The following KIRREL3 variants were observed in gnomAD, a reference collection of about 807,000 sequenced individuals.
KIRREL3 encodes kin of IRRE-like protein 3.
KIRREL3 carries 36 observed loss-of-function variants against 89.7 expected under a neutral mutation model. That is an observed-to-expected ratio of 0.40 (90% CI 0.31 to 0.53). The LOEUF (loss-of-function observed/expected upper bound fraction) is 0.53. Among genes scored for constraint, KIRREL3 ranks in the 20% least tolerant of loss-of-function variants. The pLI is 0.49. For synonymous variants in KIRREL3, 445 were observed against 441.4 expected, an observed-to-expected ratio of 1.01 and a Z score of -0.10; for missense variants, 864 against 1,056.6, an observed-to-expected ratio of 0.82 and a Z score of 2.53.
At chr11:126,680,850 C>T (rs1367192444) in intron 1 of KIRREL3, among the ~76,000 whole-genome samples, 2 of 152,076 alleles carry the variant, frequency 1.3e-5, no homozygotes, top group South Asian at 2.1e-4. Context: ...TCATCAATGT[C>T]AATTTCATTA....
chr11:126,789,841 C>A (rs966884625), intron 1 of KIRREL3, among the ~76,000 whole-genome samples: 16 of 152,214 alleles, frequency 1.1e-4, no homozygotes, highest in African/African-American at 3.6e-4. Flanking sequence ...GGAATCCCGT[C>A]CTTGAACTTT....
At chr11:126,619,977 A>T (rs890253677) in intron 1 of KIRREL3, among the ~76,000 whole-genome samples, 1 of 148,986 alleles carries the variant, frequency 6.7e-6, no homozygotes, top group Non-Finnish European at 1.5e-5. Context: ...ACAAAATCAA[A>T]CTCCTTAAAA....
intron 1 of KIRREL3, among the ~76,000 whole-genome samples, chr11:126,619,167 A>G (rs907640049): frequency 9.2e-5 from 14 of 152,264 alleles, no homozygotes; most frequent in Non-Finnish European, 1.8e-4. Context: ...CTAAAGAGAT[A>G]GCAACTGAGT....
chr11:126,424,940 G>A lies in KIRREL3; in HGVS notation c.1977C>T (p.Pro659=), dbSNP rs767929793. 16 of 1,598,902 alleles carry A rather than the reference G, an allele frequency of 1.0e-5. No individual in the cohort carries two copies. In the African/African-American group the frequency reaches 1.1e-4, roughly 11 times the overall value. Residue 659 remains proline (P), a synonymous_variant, in exon 17 of 17, where the codon CCC becomes CCT. Transcript: ENST00000525144. ...TPTISLSSCQ[P]DLRPAGKQRV... is the part of the protein sequence containing the mutation. ...GCTGCTTGCCCGCAGGACGCAGGTCGGGCTGGCAGCTGGAGAGGGAGATGG... is the reference window on the plus strand; with the variant it reads ...GCTGCTTGCCCGCAGGACGCAGGTCAGGCTGGCAGCTGGAGAGGGAGATGG...
intron 2 of KIRREL3, among the ~76,000 whole-genome samples, chr11:126,547,713 G>A (rs1289957077): frequency 6.6e-6 from 1 of 152,192 alleles, no homozygotes; most frequent in Non-Finnish European, 1.5e-5. Flanking sequence ...GGGGTCTGTG[G>A]TCAGTGAATG....
rs1955175871 is a variant in KIRREL3 at position 126,432,555 on chromosome 11, C to T, written c.1589-1029G>A. ...CCCAGCCAGGGTCAATCCAGGTCTC[C>T]TCTCACTGCTCCCACCCCTCCACTC... On this transcript the variant is annotated intron_variant, in intron 13 of 16. Transcript: ENST00000525144. This position sits in a 1 kb window ranked among gnomAD's most constrained non-coding sequence, Gnocchi z 6.2. Among the ~76,000 whole-genome samples, 3 of 152,098 alleles carry T rather than the reference C, an allele frequency of 2.0e-5. No individual in the cohort carries two copies.
chr11:126,488,955 C>G (rs1285012020), intron 4 of KIRREL3, among the ~76,000 whole-genome samples: 1 of 152,256 alleles, frequency 6.6e-6, no homozygotes, highest in East Asian at 1.9e-4. Context: ...GCCTCGGACC[C>G]TGGATCTGTG....
chr11:126,995,024 A>G lies in KIRREL3; in HGVS notation c.55+5431T>C. The stretch of plus-strand genomic sequence containing the variant: ...ACAGTACTGTGTCTCGGTGCAGTCG[A>G]TTCTCACATCATTCCTCTAACTGGA... On this transcript the variant is annotated intron_variant, in intron 1 of 16. Transcript: ENST00000525144. The surrounding 1 kb of genome is among the most constrained non-coding windows in gnomAD (Gnocchi z 6.5). 1 of 366,030 alleles carries G rather than the reference A, an allele frequency of 2.7e-6. No individual in the cohort carries two copies. The highest frequency in any genetic ancestry group is 3.5e-5 in the Admixed American group (1 of 28,330). 22.7% of individuals were successfully genotyped at this position (366,030 alleles called of 1,614,324 possible).
intron 13 of KIRREL3, among the ~76,000 whole-genome samples, chr11:126,433,852 T>C (rs953779933): frequency 3.9e-5 from 6 of 152,208 alleles, no homozygotes; most frequent in African/African-American, 1.4e-4. Context: ...AGCATGTCCA[T>C]GGAAGGCTCT....
rs1455789847 is a variant in KIRREL3 at position 126,953,760 on chromosome 11, C to A, written c.55+46695G>T. ...CCACAGACTAGCAGGAAAGAGTTTTCATGATTTCTGCCTCTCAGAGGTCTC... is the reference window on the plus strand; with the variant it reads ...CCACAGACTAGCAGGAAAGAGTTTTAATGATTTCTGCCTCTCAGAGGTCTC... On this transcript the variant is annotated intron_variant, in intron 1 of 16. Coordinates refer to ENST00000525144, the MANE Select transcript of KIRREL3 (RefSeq NM_032531.4). This position sits in a 1 kb window ranked among gnomAD's most constrained non-coding sequence, Gnocchi z 5.2. Among the ~76,000 whole-genome samples, 1 of 152,176 alleles carries A rather than the reference C, an allele frequency of 6.6e-6. No individual in the cohort carries two copies. The highest frequency in any genetic ancestry group is 6.5e-5 in the Admixed American group (1 of 15,276).
chr11:126,453,615 G>C (rs763991175), intron 7 of KIRREL3, among the ~76,000 whole-genome samples: 17 of 152,212 alleles, frequency 1.1e-4, no homozygotes, highest in Non-Finnish European at 2.2e-4. Flanking sequence ...GTGAGACCTT[G>C]CTGGAGTGAA....
rs1211398084 is a variant in KIRREL3 at position 126,474,161 on chromosome 11, C to T, written c.434-695G>A. Among the ~76,000 whole-genome samples, 2 of 152,160 alleles carry T rather than the reference C, an allele frequency of 1.3e-5. No homozygotes were observed. Among genetic ancestry groups the T allele is most frequent in the South Asian group, 2.1e-4 (1 of 4,830 alleles). Reference sequence around the variant, plus strand: ...ATGGGGTTTCACCATGTTGGCCAGGCTGGTCTCGAACTCCTGACCTCAGGT... The same window carrying T: ...ATGGGGTTTCACCATGTTGGCCAGGTTGGTCTCGAACTCCTGACCTCAGGT... On this transcript the variant is annotated intron_variant, in intron 4 of 16. Coordinates refer to ENST00000525144, the MANE Select transcript of KIRREL3 (RefSeq NM_032531.4). This position sits in a 1 kb window ranked among gnomAD's most constrained non-coding sequence, Gnocchi z 6.7.
intron 1 of KIRREL3, among the ~76,000 whole-genome samples, chr11:126,980,860 C>A (rs1037899498): frequency 2.6e-5 from 4 of 152,156 alleles, no homozygotes; most frequent in African/African-American, 9.7e-5. Flanking sequence ...GGAAAATCAA[C>A]AACTCACAAA....
chr11:126,613,799 C>G (rs945786990), intron 1 of KIRREL3, among the ~76,000 whole-genome samples: 2 of 151,268 alleles, frequency 1.3e-5, no homozygotes, highest in Non-Finnish European at 2.9e-5. Flanking sequence ...GAACGAAAAC[C>G]CTTGCATTAC....
rs1940367575 is a variant in KIRREL3 at position 126,564,478 on chromosome 11, G to A, written c.56-1566C>T. ...TCCTGATTCTTTAAAGGGGTTTATT[G>A]ACTATCAGTAAAGAGCAGAGAAGCA... On this transcript the variant is annotated intron_variant, in intron 1 of 16. Transcript: ENST00000525144. This position sits in a 1 kb window ranked among gnomAD's most constrained non-coding sequence, Gnocchi z 7.4. Among the ~76,000 whole-genome samples the A allele has an allele frequency of 6.6e-6, 1 of 152,170 alleles. No homozygotes were observed. The highest frequency in any genetic ancestry group is 1.5e-5 in the Non-Finnish European group (1 of 68,036).
rs117578817 is a variant in KIRREL3 at position 126,777,293 on chromosome 11, C to T, written c.56-214381G>A. Among the ~76,000 whole-genome samples, 177 of 152,236 alleles carry T rather than the reference C, an allele frequency of 1.2e-3. 2 individuals carry two copies. The East Asian group carries it at 0.029, about 25-fold the overall frequency. On this transcript the variant is annotated intron_variant, in intron 1 of 16. Coordinates refer to ENST00000525144, the MANE Select transcript of KIRREL3 (RefSeq NM_032531.4). ...AATTATCTGGCCCCAAATGTCAATACGGCTGAGGTGAAGAAACCAACATGT... is the reference window on the plus strand; with the variant it reads ...AATTATCTGGCCCCAAATGTCAATATGGCTGAGGTGAAGAAACCAACATGT...
chr11:126,691,141 A>G (rs916371962), intron 1 of KIRREL3, among the ~76,000 whole-genome samples: 2 of 152,198 alleles, frequency 1.3e-5, no homozygotes, highest in Non-Finnish European at 2.9e-5. Context: ...AAGTATGACA[A>G]TATCGGGTGT....
chr11:126,488,255 G>T (rs1331121160), intron 4 of KIRREL3, among the ~76,000 whole-genome samples: 1 of 152,202 alleles, frequency 6.6e-6, no homozygotes, highest in African/African-American at 2.4e-5. Context: ...CCAGGCCCCT[G>T]CATCTCCAGC....
rs192844548 is a variant in KIRREL3 at position 127,000,062 on chromosome 11, C to A, written c.55+393G>T. On this transcript the variant is annotated intron_variant, in intron 1 of 16. Coordinates refer to ENST00000525144, the MANE Select transcript of KIRREL3 (RefSeq NM_032531.4). The surrounding 1 kb of genome is among the most constrained non-coding windows in gnomAD (Gnocchi z 7.1). Reference sequence around the variant, plus strand: ...AAATATCCACCTAAACCAAGCTCTCCCTCCCTGCCGTCTCCTTCCCTGGCC... The same window carrying A: ...AAATATCCACCTAAACCAAGCTCTCACTCCCTGCCGTCTCCTTCCCTGGCC... 7.9e-5 allele frequency among the ~76,000 whole-genome samples: 12 copies of A among 152,250 alleles called. No homozygotes were observed. The highest frequency in any genetic ancestry group is 7.9e-4 in the Admixed American group (12 of 15,280).
Sources: gnomAD v4.1 joint callset for allele counts (sites outside exome capture counted in the v4.1 genomes callset) on GRCh38, gnomAD v4.1.1 for gene constraint, Gnocchi (gnomAD v3.1) non-coding constraint, MANE v1.5 for transcripts, NCBI Gene and HGNC (gene_info 2026-07-23, HGNC 2026-07-21) for gene names.